The following NOVA1 variants were observed in gnomAD, a reference collection of about 807,000 sequenced individuals.
The protein encoded by NOVA1 is RNA-binding protein Nova-1.
NOVA1 carries 7 observed loss-of-function variants against 38.0 expected under a neutral mutation model. The observed-to-expected ratio is 0.18, with a 90% CI of 0.10 to 0.35. NOVA1 has a LOEUF of 0.35. NOVA1 is among the 10% of genes least tolerant of loss of function. The pLI is 1.00. For synonymous variants in NOVA1, 270 were observed against 232.5 expected (o/e 1.16, Z -1.47); for missense variants, 460 against 616.0 (o/e 0.75, Z 2.68).
At chr14:26,544,337 T>G (rs183890310) in intron 2 of NOVA1, among the ~76,000 whole-genome samples, 115 of 152,076 alleles carry the variant, frequency 7.6e-4, no homozygotes, top group South Asian at 1.7e-3. Flanking sequence ...AAGTCTTTGA[T>G]GAATCCAGAA....
intron 2 of NOVA1, among the ~76,000 whole-genome samples, chr14:26,580,832 G>T (rs1333210611): frequency 1.3e-5 from 2 of 151,832 alleles, no homozygotes; most frequent in African/African-American, 4.8e-5. Context: ...CACTTCAATT[G>T]TTAAAAATCC....
At chr14:26,473,456 A>C (rs1017906313) in intron 3 of NOVA1, among the ~76,000 whole-genome samples, 1 of 151,912 alleles carries the variant, frequency 6.6e-6, no homozygotes, top group African/African-American at 2.4e-5. Context: ...GTTTTATATT[A>C]TATTAATATC....
At chr14:26,481,844 G>C (rs944849475) in intron 2 of NOVA1, among the ~76,000 whole-genome samples, 1 of 151,974 alleles carries the variant, frequency 6.6e-6, no homozygotes, top group Non-Finnish European at 1.5e-5. Flanking sequence ...AGAAAGGATA[G>C]GAACTGATCA....
chr14:26,475,234 G>C (rs563523710), intron 3 of NOVA1, among the ~76,000 whole-genome samples: 1 of 151,776 alleles, frequency 6.6e-6, no homozygotes, highest in African/African-American at 2.4e-5. Context: ...GTCTCGCTTT[G>C]TTGCCCAGGC....
At chr14:26,565,839 A>G (rs1232597426) in intron 2 of NOVA1, among the ~76,000 whole-genome samples, 1 of 152,178 alleles carries the variant, frequency 6.6e-6, no homozygotes, top group Non-Finnish European at 1.5e-5. Flanking sequence ...AAGCAAGAGA[A>G]TGCAAACTGA....
chr14:26,484,427 C>T (rs1489689723), intron 2 of NOVA1, among the ~76,000 whole-genome samples: 1 of 51,210 alleles, frequency 2.0e-5, no homozygotes, highest in Non-Finnish European at 3.2e-5. Context: ...GACTCCGTCT[C>T]GAAAAAAAAA....
At chr14:26,565,389 C>T (rs896021023) in intron 2 of NOVA1, among the ~76,000 whole-genome samples, 1 of 152,156 alleles carries the variant, frequency 6.6e-6, no homozygotes, top group Non-Finnish European at 1.5e-5. Context: ...TAAAGACATT[C>T]TTTCGTGTCC....
intron 2 of NOVA1, among the ~76,000 whole-genome samples, chr14:26,556,299 G>C (rs1004365312): frequency 1.4e-4 from 21 of 152,084 alleles, no homozygotes; most frequent in African/African-American, 7.2e-5. Context: ...CAGACAACTT[G>C]ATCAATGGAC....
At chr14:26,561,847 T>C (rs1473262222) in intron 2 of NOVA1, among the ~76,000 whole-genome samples, 1 of 152,148 alleles carries the variant, frequency 6.6e-6, no homozygotes, top group Non-Finnish European at 1.5e-5. Flanking sequence ...CTAAAACATA[T>C]TAGTTTTCTG....
intron 2 of NOVA1, among the ~76,000 whole-genome samples, chr14:26,551,663 T>A (rs890698324): frequency 1.3e-5 from 2 of 152,040 alleles, no homozygotes; most frequent in Non-Finnish European, 2.9e-5. Flanking sequence ...TTTATATAAA[T>A]AATGTCATTT....
At chr14:26,490,707 C>A (rs1566472802) in intron 2 of NOVA1, among the ~76,000 whole-genome samples, 1 of 152,092 alleles carries the variant, frequency 6.6e-6, no homozygotes. Flanking sequence ...GAGACAGGGT[C>A]TCACTGTGTT....
intron 2 of NOVA1, among the ~76,000 whole-genome samples, chr14:26,530,710 C>A (rs1447525109): frequency 6.6e-6 from 1 of 151,970 alleles, no homozygotes; most frequent in Admixed American, 6.6e-5. Flanking sequence ...TGTATTAGAA[C>A]CCATTAACAA....
chr14:26,538,956 C>A (rs970004927), intron 2 of NOVA1, among the ~76,000 whole-genome samples: 1 of 152,144 alleles, frequency 6.6e-6, no homozygotes, highest in Admixed American at 6.6e-5. Context: ...TTTTTCTTTA[C>A]TATTCCTGAT....
At chr14:26,539,189 C>A (rs1197877441) in intron 2 of NOVA1, among the ~76,000 whole-genome samples, 1 of 152,124 alleles carries the variant, frequency 6.6e-6, no homozygotes, top group Non-Finnish European at 1.5e-5. Context: ...GTATCCCCAG[C>A]ATGCAGGACA....
At chr14:26,457,475 C>T (rs1883277790) in intron 4 of NOVA1, among the ~76,000 whole-genome samples, 1 of 152,068 alleles carries the variant, frequency 6.6e-6, no homozygotes, top group South Asian at 2.1e-4. Context: ...AAATTTCTGT[C>T]ACCTAGCGAC....
chr14:26,574,398 T>G (rs8018009), intron 2 of NOVA1, among the ~76,000 whole-genome samples: 1 of 151,526 alleles, frequency 6.6e-6, no homozygotes, highest in African/African-American at 2.4e-5. Flanking sequence ...TTGGGAAAAA[T>G]AATAAAATTA....
At chr14:26,450,207 C>T (rs1352473691) in intron 4 of NOVA1, among the ~76,000 whole-genome samples, 1 of 152,030 alleles carries the variant, frequency 6.6e-6, no homozygotes, top group Non-Finnish European at 1.5e-5. Flanking sequence ...ATTTCATTAG[C>T]TAATTTTTAG....
chr14:26,593,391 G>A (rs910033733), intron 2 of NOVA1: 1 of 151,782 alleles, frequency 6.6e-6, no homozygotes, highest in Non-Finnish European at 1.5e-5. Context: ...TGTCCAAACA[G>A]GTAATAATCC....
At chr14:26,465,783 T>A (rs993594272) in intron 4 of NOVA1, among the ~76,000 whole-genome samples, 8 of 152,210 alleles carry the variant, frequency 5.3e-5, no homozygotes, top group Non-Finnish European at 1.0e-4. Context: ...ACTGAGGACC[T>A]ATTATGCTCC....
Sources: allele counts gnomAD v4.1 joint callset (sites outside exome capture counted in the v4.1 genomes callset), GRCh38; gene constraint gnomAD v4.1.1; transcripts MANE v1.5; gene names NCBI Gene and HGNC (gene_info 2026-07-23, HGNC 2026-07-21).